The following RIDA variants were observed in gnomAD, a reference collection of about 807,000 sequenced individuals.
RIDA encodes reactive intermediate imine deaminase A.
Under a neutral mutation model 17.8 loss-of-function variants are expected in RIDA, and 17 were observed. The observed-to-expected ratio is 0.96, with a 90% confidence interval of 0.65 to 1.43. RIDA has a LOEUF of 1.43. RIDA is among the 40% of genes most tolerant of loss of function. The probability of loss-of-function intolerance (pLI) is 0.00; values close to 1 mark genes in which losing one functional copy is unlikely to be tolerated. For synonymous variants in RIDA, 48 were observed against 55.7 expected (o/e 0.86, Z 0.62); for missense variants, 158 against 161.7 (o/e 0.98, Z 0.12).
chr8:98,108,837 G>T, intron 1 of RIDA, 86 bp from the exon 2 acceptor site: 60 of 649,710 alleles, frequency 9.2e-5, no homozygotes, highest in Non-Finnish European at 9.8e-5. Context: ...GGACAGAGAA[G>T]TATAAATTGT....
Position 98,106,346 on chromosome 8 carries a change from AG to A in RIDA, c.172-21del, listed in dbSNP as rs748063462. On this transcript the variant is annotated intron_variant, in intron 2 of 5. Transcript: ENST00000254878. ...AAGAGCCTGTGAACCAAGCCAAGAA[AG>A]GCCTAAGTCACTGATGTTAGATTTA... is the stretch of plus-strand genomic sequence containing the variant. The A allele has an allele frequency of 1.2e-6, 2 of 1,607,220 alleles. No individual in the cohort carries two copies. Among genetic ancestry groups the A allele is most frequent in the Non-Finnish European group, 1.7e-6 (2 of 1,174,132 alleles).
At chr8:98,106,894 GCAA>G (rs200710970) in intron 2 of RIDA, among the ~76,000 whole-genome samples, 3 of 151,970 alleles carry the variant, frequency 2.0e-5, no homozygotes, top group Non-Finnish European at 2.9e-5. Context: ...CATGGATATG[GCAA>G]CAACAACAAC....
chr8:98,112,467 G>C (rs527647975), intron 1 of RIDA, among the ~76,000 whole-genome samples: 1 of 152,182 alleles, frequency 6.6e-6, no homozygotes, highest in African/African-American at 2.4e-5. Flanking sequence ...ACTTGCTGAT[G>C]TTTTGCTCTT....
In RIDA at chr8:98,117,118, G is replaced by T. The variant is rs1815853968; in HGVS notation, c.-22C>A. On this transcript the variant is annotated 5_prime_UTR_variant, in exon 1 of 6. It adds an upstream start codon to the 5' untranslated region. Coordinates refer to ENST00000254878, the MANE Select transcript of RIDA (RefSeq NM_005836.3). ...ACATGGCTAAGCCTTCCCTCTTGCA[G>T]CCCCTTCAGGAGAAGAAGCCCCAGC... 6.2e-7 allele frequency: 1 copy of T among 1,612,456 alleles called. No homozygotes were observed. Among genetic ancestry groups the T allele is most frequent in the Non-Finnish European group, 8.5e-7 (1 of 1,178,430 alleles).
chr8:98,106,329 G>A lies in RIDA; in HGVS notation c.172-3C>T. 1.9e-6 allele frequency: 3 copies of A among 1,613,426 alleles called. No individual in the cohort carries two copies. The highest frequency in any genetic ancestry group is 2.2e-5 in the East Asian group (1 of 44,848). On this transcript the variant is annotated splice_region_variant and splice_polypyrimidine_tract_variant and intron_variant, in intron 2 of 5. Coordinates refer to ENST00000254878, the MANE Select transcript of RIDA (RefSeq NM_005836.3). Reference sequence around the variant, plus strand: ...ATTTCACCCATGTTTTTAAGAGCCTGTGAACCAAGCCAAGAAAGGCCTAAG... The same window carrying A: ...ATTTCACCCATGTTTTTAAGAGCCTATGAACCAAGCCAAGAAAGGCCTAAG...
intron 3 of RIDA, 115 bp from the exon 4 acceptor site, chr8:98,106,121 G>T: frequency 9.5e-7 from 1 of 1,055,786 alleles, no homozygotes; most frequent in Non-Finnish European, 1.5e-6. Context: ...ACTGAAATGG[G>T]ACCAAAGAAG....
Position 98,102,797 on chromosome 8 carries a change from A to G in RIDA, c.*45T>C, listed in dbSNP as rs751311235. ...AATTAAGATGTTACATCAATTGTAA[A>G]AATTAAAATGTTAACAATTCCAGAC... On this transcript the variant is annotated 3_prime_UTR_variant, in exon 6 of 6. Coordinates refer to ENST00000254878, the MANE Select transcript of RIDA (RefSeq NM_005836.3). The G allele has an allele frequency of 2.3e-6, 3 of 1,331,478 alleles. No homozygotes were observed. The highest frequency in any genetic ancestry group is 3.1e-6 in the Non-Finnish European group (3 of 959,528). 82.5% of individuals were successfully genotyped at this position (1,331,478 alleles called of 1,614,324 possible).
intron 4 of RIDA, 22 bp from the exon 5 acceptor site, chr8:98,104,566 T>C: frequency 7.1e-7 from 1 of 1,401,762 alleles, no homozygotes; most frequent in African/African-American, 1.4e-5. Context: ...AGAATTTCAT[T>C]TTTTTAATAG....
Position 98,102,866 on chromosome 8 carries a change from T to TC in RIDA, c.389dup (p.Pro131ThrfsTer15). 1.9e-6 allele frequency: 3 copies of TC among 1,613,408 alleles called. No individual in the cohort carries two copies. The highest frequency in any genetic ancestry group is 2.5e-6 in the Non-Finnish European group (3 of 1,179,478). ...CTTATAGTGATGCCGTTGTCAGTGG[T>TC]CCTTGGATAGCTACTGCTTCAATTT... On this transcript the variant is annotated frameshift_variant, in exon 6 of 6. Transcript: ENST00000254878. LOFTEE classifies it high-confidence loss of function.
chr8:98,113,414 A>T (rs1815756862), intron 1 of RIDA, among the ~76,000 whole-genome samples: 1 of 152,220 alleles, frequency 6.6e-6, no homozygotes, highest in Admixed American at 6.5e-5. Flanking sequence ...AACATGTCCA[A>T]TTAACATAAG....
At chr8:98,105,281 A>G (rs1344047913) in intron 4 of RIDA, among the ~76,000 whole-genome samples, 2 of 152,054 alleles carry the variant, frequency 1.3e-5, no homozygotes, top group East Asian at 1.9e-4. Flanking sequence ...TCCTCTGCCA[A>G]CTTTGGTCTT....
intron 1 of RIDA, among the ~76,000 whole-genome samples, chr8:98,112,068 C>T (rs1334893573): frequency 6.6e-6 from 1 of 151,862 alleles, no homozygotes; most frequent in Non-Finnish European, 1.5e-5. Flanking sequence ...AAGATCTTTC[C>T]ATAAGTATAT....
chr8:98,107,041 C>G (rs781606640), intron 2 of RIDA, among the ~76,000 whole-genome samples: 21 of 152,126 alleles, frequency 1.4e-4, no homozygotes, highest in Non-Finnish European at 2.2e-4. Context: ...TAGGTACAGT[C>G]AATGCTTATG....
In RIDA at chr8:98,102,686, C is replaced by T; in HGVS notation, c.*156G>A. 1.9e-6 allele frequency: 1 copy of T among 522,882 alleles called. No homozygotes were observed. Among genetic ancestry groups the T allele is most frequent in the Non-Finnish European group, 3.4e-6 (1 of 297,240 alleles). 32.4% of individuals were successfully genotyped at this position (522,882 alleles called of 1,614,324 possible). A position where few individuals can be genotyped will look rare whatever the true frequency, so the allele number is the denominator to read the frequency against. ...TTCCTTCTCTAATATTCATGTTCAACTCTCCCTATTACATGGTATTTCCAT... is the reference window on the plus strand; with the variant it reads ...TTCCTTCTCTAATATTCATGTTCAATTCTCCCTATTACATGGTATTTCCAT... On this transcript the variant is annotated 3_prime_UTR_variant, in exon 6 of 6. Coordinates refer to ENST00000254878, the MANE Select transcript of RIDA (RefSeq NM_005836.3).
At chr8:98,111,444 CT>C (rs1409788356) in intron 1 of RIDA, among the ~76,000 whole-genome samples, 2 of 151,892 alleles carry the variant, frequency 1.3e-5, no homozygotes, top group African/African-American at 4.8e-5. Context: ...CCTGTCTCTA[CT>C]AAAAAACACA....
At chr8:98,110,073 T>G (rs1260149209) in intron 1 of RIDA, among the ~76,000 whole-genome samples, 1 of 152,232 alleles carries the variant, frequency 6.6e-6, no homozygotes, top group African/African-American at 2.4e-5. Flanking sequence ...CTTATTTCAC[T>G]TAAATGAAAC....
At chr8:98,116,067 C>T (rs576279667) in intron 1 of RIDA, among the ~76,000 whole-genome samples, 2 of 152,182 alleles carry the variant, frequency 1.3e-5, no homozygotes, top group Non-Finnish European at 2.9e-5. Flanking sequence ...ACTTCTACCT[C>T]CATGCCCTTC....
At chr8:98,112,964 T>C (rs1224049602) in intron 1 of RIDA, among the ~76,000 whole-genome samples, 1 of 152,226 alleles carries the variant, frequency 6.6e-6, no homozygotes, top group Admixed American at 6.5e-5. Context: ...TTCATAAGAA[T>C]AATTGGCTAG....
At chr8:98,113,972 A>G (rs1250659799) in intron 1 of RIDA, 4 of 152,226 alleles carry the variant, frequency 2.6e-5, no homozygotes, top group East Asian at 1.9e-4. Flanking sequence ...AGATCTGATC[A>G]TGTTCCACCC....
Sources: allele counts gnomAD v4.1 joint callset (sites outside exome capture counted in the v4.1 genomes callset), GRCh38; gene constraint gnomAD v4.1.1; transcripts MANE v1.5; gene names NCBI Gene and HGNC (gene_info 2026-07-23, HGNC 2026-07-21).